Variants in CACNA1C observed in about 807,000 individuals in gnomAD.
CACNA1C encodes the protein voltage-dependent L-type calcium channel subunit alpha-1C.
Under a neutral mutation model 229.0 loss-of-function variants are expected in CACNA1C, and 30 were observed. The ratio of observed to expected loss-of-function variants is 0.13; its 90% confidence interval spans 0.10 to 0.18. The LOEUF is 0.18. Ranked by LOEUF, CACNA1C falls within the 10% of genes least tolerant of loss-of-function variation. The pLI is 1.00. For missense variants in CACNA1C, 1,658 were observed against 2,845.0 expected, an observed-to-expected ratio of 0.58 and a Z score of 9.49; for synonymous variants, 1,114 against 1,132.5, an observed-to-expected ratio of 0.98 and a Z score of 0.33.
At chr12:2,020,084 T>C (rs771809231) in intron 1 of CACNA1C, 4 of 152,182 alleles carry the variant, frequency 2.6e-5, no homozygotes, top group Non-Finnish European at 4.4e-5. Context: ...CATGCACACA[T>C]AAGTGCACAC....
Position 2,665,455 on chromosome 12 carries a change from G to A in CACNA1C, c.4399-126G>A, listed in dbSNP as rs2096036025. On this transcript the variant is annotated intron_variant, in intron 35 of 46. Transcript: ENST00000399655. This position sits in a 1 kb window ranked among gnomAD's most constrained non-coding sequence, Gnocchi z 5.9. ...AGAGACCCAGGTTCTCAGGCTGGTA[G>A]GATGGATGACTGGTCTTTAGAAATG... The A allele has an allele frequency of 4.0e-6, 4 of 1,001,498 alleles. No individual in the cohort carries two copies. In the Admixed American group the frequency reaches 6.1e-5, roughly 15 times the overall value. The allele number at this position is 1,001,498 out of a possible 1,614,324, so 62.0% of individuals were successfully genotyped here.
intron 34 of CACNA1C, among the ~76,000 whole-genome samples, chr12:2,662,837 A>G (rs1246822351): frequency 6.6e-6 from 1 of 152,264 alleles, no homozygotes; most frequent in Non-Finnish European, 1.5e-5. Context: ...AGACCCACAC[A>G]TCTACGCAAA....
intron 13 of CACNA1C, among the ~76,000 whole-genome samples, chr12:2,573,273 C>T (rs1003518593): frequency 1.3e-5 from 2 of 152,144 alleles, no homozygotes; most frequent in Non-Finnish European, 2.9e-5. Context: ...GTCTGGAACT[C>T]CTGGACTTAA....
chr12:2,486,937 T>C lies in CACNA1C; in HGVS notation c.916+675T>C. Among the ~76,000 whole-genome samples the C allele has an allele frequency of 6.6e-6, 1 of 152,200 alleles. No individual in the cohort carries two copies. The highest frequency in any genetic ancestry group is 1.9e-4 in the East Asian group (1 of 5,198). On this transcript the variant is annotated intron_variant, in intron 6 of 46. Coordinates refer to ENST00000399655, the MANE Select transcript of CACNA1C (RefSeq NM_000719.7). This position sits in a 1 kb window ranked among gnomAD's most constrained non-coding sequence, Gnocchi z 4.9. ...CTTTTTGAGCCTTCCCACTTCACGT[T>C]CCTTCCATAAATCAATATATTTAAC... is the stretch of plus-strand genomic sequence containing the variant.
chr12:2,351,281 G>A lies in CACNA1C; in HGVS notation c.478-97695G>A, dbSNP rs565809568. ...GATACTGCCAAATGTCCCCTGGGGCGAAGGTGGCCGAAATCGCCTGGGTTG... is the reference window on the plus strand; with the variant it reads ...GATACTGCCAAATGTCCCCTGGGGCAAAGGTGGCCGAAATCGCCTGGGTTG... On this transcript the variant is annotated intron_variant, in intron 3 of 46. Coordinates refer to ENST00000399655, the MANE Select transcript of CACNA1C (RefSeq NM_000719.7). 1.1e-4 allele frequency among the ~76,000 whole-genome samples: 17 copies of A among 152,296 alleles called. No individual in the cohort carries two copies. The East Asian group carries it at 1.4e-3, about 12-fold the overall frequency.
intron 42 of CACNA1C, among the ~76,000 whole-genome samples, chr12:2,681,694 C>T (rs986821447): frequency 1.3e-5 from 2 of 151,836 alleles, no homozygotes; most frequent in African/African-American, 4.9e-5. Context: ...TGGCAGTCTG[C>T]AGTCCTCCTC....
chr12:2,638,564 G>A (rs2093202296), intron 30 of CACNA1C, among the ~76,000 whole-genome samples: 1 of 152,218 alleles, frequency 6.6e-6, no homozygotes, highest in African/African-American at 2.4e-5. Context: ...AGGAGTCAAG[G>A]GTGGAATCTG....
At chr12:2,105,226 A>G (rs2077751431) in intron 1 of CACNA1C, among the ~76,000 whole-genome samples, 2 of 152,234 alleles carry the variant, frequency 1.3e-5, no homozygotes, top group Admixed American at 6.5e-5. Context: ...GAAGTGCTCC[A>G]GGCTCTTTGC....
chr12:2,547,326 TAAAAA>T (rs2099883223), intron 9 of CACNA1C: 1 of 644,800 alleles, frequency 1.6e-6, no homozygotes, highest in Non-Finnish European at 2.8e-6. Context: ...TTTTCTGTGA[TAAAAA>T]TGGATGTTCT....
At chr12:2,310,342 T>TAAAA (rs1262171750) in intron 3 of CACNA1C, among the ~76,000 whole-genome samples, 110 of 144,254 alleles carry the variant, frequency 7.6e-4, no homozygotes, top group African/African-American at 2.8e-3. Context: ...GCCTCCCAGT[T>TAAAA]AAAAAAAAAA....
At position 2,281,015 on chromosome 12, in the gene CACNA1C, G is replaced by T. The variant is rs537384356; in HGVS notation, c.477+160585G>T. Among the ~76,000 whole-genome samples, 20 of 152,240 alleles carry T rather than the reference G, an allele frequency of 1.3e-4. No homozygotes were observed. In the South Asian group the frequency reaches 4.2e-3, roughly 32 times the overall value. On this transcript the variant is annotated intron_variant, in intron 3 of 46. Transcript: ENST00000399655. ...TTAGGGTACATGTGCACAACGTGCA[G>T]GTTAGTTACATATGTATACATGTGC...
intron 16 of CACNA1C, 31 bp downstream of exon 16, chr12:2,584,648 C>T (rs1391990293): frequency 7.2e-7 from 1 of 1,394,040 alleles, no homozygotes; most frequent in Non-Finnish European, 1.0e-6. Flanking sequence ...AGGCCTGGGG[C>T]TCCAGGGCTC....
chr12:2,650,481 A>G (rs2153648680), intron 31 of CACNA1C, among the ~76,000 whole-genome samples: 1 of 152,298 alleles, frequency 6.6e-6, no homozygotes, highest in Non-Finnish European at 1.5e-5. Flanking sequence ...GACCAGTAAC[A>G]GGAAGCCCCG....
intron 3 of CACNA1C, among the ~76,000 whole-genome samples, chr12:2,300,861 G>A (rs2094500714): frequency 6.6e-6 from 1 of 152,146 alleles, no homozygotes; most frequent in Non-Finnish European, 1.5e-5. Context: ...GAGGGATCTG[G>A]AGCAGGAAAC....
At chr12:2,001,106 G>A (rs1043564187) in intron 1 of CACNA1C, among the ~76,000 whole-genome samples, 14 of 151,706 alleles carry the variant, frequency 9.2e-5, no homozygotes, top group African/African-American at 2.7e-4. Context: ...AACGTCAGGC[G>A]CTCTATGACA....
chr12:2,335,468 A>G (rs550348714), intron 3 of CACNA1C, among the ~76,000 whole-genome samples: 2 of 152,254 alleles, frequency 1.3e-5, no homozygotes, highest in Admixed American at 6.5e-5. Context: ...CATAATGTAG[A>G]AAGATGTGCA....
chr12:2,106,643 A>G, intron 1 of CACNA1C, among the ~76,000 whole-genome samples: 1 of 59,110 alleles, frequency 1.7e-5, no homozygotes, highest in Non-Finnish European at 3.7e-5. Flanking sequence ...CTGGGCGCCC[A>G]CCCCGGGGAG....
chr12:2,064,602 A>G lies in CACNA1C; in HGVS notation c.49+10991A>G, dbSNP rs75008640. 2.7e-4 allele frequency among the ~76,000 whole-genome samples: 41 copies of G among 152,330 alleles called. No individual in the cohort carries two copies. In the East Asian group the frequency reaches 7.3e-3, roughly 27 times the overall value. ...ATCTAAAGTCTAGGCAAGAGAGGCAAAAACGTGAGAAGAAAGGTAAACAGT... is the reference window on the plus strand; with the variant it reads ...ATCTAAAGTCTAGGCAAGAGAGGCAGAAACGTGAGAAGAAAGGTAAACAGT... On this transcript the variant is annotated intron_variant, in intron 1 of 46. Coordinates refer to ENST00000399655, the MANE Select transcript of CACNA1C (RefSeq NM_000719.7).
chr12:2,380,030 C>CA lies in CACNA1C; in HGVS notation c.478-68932dup, dbSNP rs1172016514. 2.5e-3 allele frequency among the ~76,000 whole-genome samples: 202 copies of CA among 80,092 alleles called. 19 individuals are homozygous for CA. The highest frequency in any genetic ancestry group is 3.2e-3 in the Non-Finnish European group (122 of 38,078). The allele number at this position is 80,092 out of a possible 152,430, so 52.5% of individuals were successfully genotyped here. A position where few individuals can be genotyped will look rare whatever the true frequency, so the allele number is the denominator to read the frequency against. On this transcript the variant is annotated intron_variant, in intron 3 of 46. Coordinates refer to ENST00000399655, the MANE Select transcript of CACNA1C (RefSeq NM_000719.7). ...TGGGCGACAGAGCGAGACTCCGTCT[C>CA]AAAAAAAAAAAAAAGACATAATATT... is the stretch of plus-strand genomic sequence containing the variant.
Sources: gnomAD v4.1 joint callset for allele counts (sites outside exome capture counted in the v4.1 genomes callset) on GRCh38, gnomAD v4.1.1 for gene constraint, Gnocchi (gnomAD v3.1) non-coding constraint, MANE v1.5 for transcripts, NCBI Gene and HGNC (gene_info 2026-07-23, HGNC 2026-07-21) for gene names.